Variants in CST3 observed in about 807,000 individuals in gnomAD.
The protein encoded by CST3 is cystatin-C.
CST3 carries 14 observed loss-of-function variants against 9.0 expected under a neutral mutation model. That is an observed-to-expected ratio of 1.56 (90% CI 1.03 to 2.44). CST3 has a LOEUF of 2.44. CST3 is among the 30% of genes most tolerant of loss of function. The probability of loss-of-function intolerance (pLI) is 0.00; values close to 1 mark genes in which losing one functional copy is unlikely to be tolerated. For missense variants in CST3, 237 were observed against 204.3 expected (o/e 1.16, Z -0.98); for synonymous variants, 96 against 90.2 (o/e 1.06, Z -0.37).
At chr20:23,628,699 T>A (rs558521311), downstream of CST3, 27 of 152,168 alleles carry the variant, frequency 1.8e-4, no homozygotes, top group African/African-American at 6.5e-4. Context: ...GGGACTCCAT[T>A]ATAACCCACC....
At chr20:23,637,494 C>G in intron 1 of CST3, 126 bp downstream of exon 1, 2 of 976,528 alleles carry the variant, frequency 2.0e-6, no homozygotes, top group Non-Finnish European at 2.8e-6. Flanking sequence ...ACAGCGAAGA[C>G]CGGGAACAGG....
intron 2 of CST3, 35 bp from the exon 3 acceptor site, chr20:23,634,034 G>T (rs1218218182): frequency 1.3e-6 from 2 of 1,572,650 alleles, no homozygotes; most frequent in South Asian, 2.2e-5. Flanking sequence ...ATCAGTGTGG[G>T]TTACAGTTCA....
Position 23,637,940 on chromosome 20 carries a change from A to C in CST3, c.-78T>G. The C allele has an allele frequency of 5.1e-6, 6 of 1,166,326 alleles. No homozygotes were observed. Among genetic ancestry groups the C allele is most frequent in the Middle Eastern group, 3.7e-4 (1 of 2,702 alleles). 72.2% of individuals were successfully genotyped at this position (1,166,326 alleles called of 1,614,324 possible). A position where few individuals can be genotyped will look rare whatever the true frequency, so the allele number is the denominator to read the frequency against. Reference sequence around the variant, plus strand: ...CTAGATAGAGAGGACCCGCTGCGATACCGAGGCGAGGCCGTGAGCCCCGCG... The same window carrying C: ...CTAGATAGAGAGGACCCGCTGCGATCCCGAGGCGAGGCCGTGAGCCCCGCG... On this transcript the variant is annotated 5_prime_UTR_variant, in exon 1 of 3. Coordinates refer to ENST00000376925, the MANE Select transcript of CST3 (RefSeq NM_000099.4).
chr20:23,637,621 T>C lies in CST3; in HGVS notation c.242A>G (p.Gln81Arg), dbSNP rs1488289802. 6.6e-7 allele frequency: 1 copy of C among 1,518,416 alleles called. No homozygotes were observed. The highest frequency in any genetic ancestry group is 8.8e-7 in the Non-Finnish European group (1 of 1,133,940). The allele number at this position is 1,518,416 out of a possible 1,614,324, so 94.1% of individuals were successfully genotyped here. A position where few individuals can be genotyped will look rare whatever the true frequency, so the allele number is the denominator to read the frequency against. ...GACCCTGCGGGGGGCGGCACGCACC[T>C]GCTTGCGGGCGCGCACCACCTGCAG... ...RALQVVRARK[Q>R]IVAGVNYFLD... Residue 81 changes from glutamine (Q) to arginine (R), a missense_variant and splice_region_variant, in exon 1 of 3, where the codon CAG becomes CGG. By Grantham distance (43) the Gln-to-Arg change is conservative (BLOSUM62 1). Coordinates refer to ENST00000376925, the MANE Select transcript of CST3 (RefSeq NM_000099.4).
At chr20:23,634,053 G>C in intron 2 of CST3, 54 bp from the exon 3 acceptor site, 14 of 1,444,212 alleles carry the variant, frequency 9.7e-6, no homozygotes, top group Non-Finnish European at 1.4e-5. Context: ...CAAAGCAGAA[G>C]ATGCCCAGGC....
chr20:23,635,065 C>T (rs1192867316), intron 2 of CST3, among the ~76,000 whole-genome samples, 189 bp downstream of exon 2: 1 of 151,986 alleles, frequency 6.6e-6, no homozygotes, highest in African/African-American at 2.4e-5. Flanking sequence ...ATCCACACAC[C>T]CACTTGCACA....
At chr20:23,636,685 C>A (rs986791824) in intron 1 of CST3, among the ~76,000 whole-genome samples, 7 of 152,168 alleles carry the variant, frequency 4.6e-5, no homozygotes, top group Admixed American at 1.3e-4. Flanking sequence ...ATCAAGCCCA[C>A]CCAGAGTCAG....
At chr20:23,627,527 T>G (rs541499712) in exon 4 of CST3, 1 of 152,364 alleles carries the variant, frequency 6.6e-6, no homozygotes, top group Admixed American at 6.5e-5. Flanking sequence ...AATATTTTGG[T>G]GAACTTAATG....
At position 23,633,858 on chromosome 20, in the gene CST3, C is replaced by A; in HGVS notation, c.*58G>T. ...GGCCACCAGTCCAGGGGTGGGAATACAGGGGGTGGGAGGTGTGCATAAGAG... is the reference window on the plus strand; with the variant it reads ...GGCCACCAGTCCAGGGGTGGGAATAAAGGGGGTGGGAGGTGTGCATAAGAG... On this transcript the variant is annotated 3_prime_UTR_variant, in exon 3 of 3. Transcript: ENST00000376925. 1.4e-6 allele frequency: 2 copies of A among 1,430,398 alleles called. No individual in the cohort carries two copies. The highest frequency in any genetic ancestry group is 2.8e-5 in the African/African-American group (2 of 71,200). The allele number at this position is 1,430,398 out of a possible 1,614,324, so 88.6% of individuals were successfully genotyped here.
At chr20:23,637,421 G>A (rs1366262513) in intron 1 of CST3, among the ~76,000 whole-genome samples, 199 bp downstream of exon 1, 1 of 152,216 alleles carries the variant, frequency 6.6e-6, no homozygotes, top group East Asian at 1.9e-4. Context: ...ACGTGTCCGT[G>A]CGGTTCCAGG....
chr20:23,636,230 C>T (rs889892012), intron 1 of CST3, among the ~76,000 whole-genome samples: 23 of 152,172 alleles, frequency 1.5e-4, no homozygotes, highest in Non-Finnish European at 2.5e-4. Context: ...CTGACGGCTG[C>T]GGGAGAAACG....
exon 4 of CST3, chr20:23,627,767 C>T (rs1319689006): frequency 2.0e-5 from 3 of 152,174 alleles, no homozygotes; most frequent in Non-Finnish European, 4.4e-5. Flanking sequence ...TTCCTAATAG[C>T]TAATGGTGTT....
chr20:23,637,561 C>T, intron 1 of CST3, 59 bp downstream of exon 1: 2 of 1,403,266 alleles, frequency 1.4e-6, no homozygotes, highest in South Asian at 1.5e-5. Flanking sequence ...GGGAGCAGCG[C>T]GGGGGGAGGC....
At chr20:23,630,856 G>C (rs1428294261), downstream of CST3, among the ~76,000 whole-genome samples, 1 of 150,590 alleles carries the variant, frequency 6.6e-6, no homozygotes, top group African/African-American at 2.4e-5. Flanking sequence ...TACAATACTT[G>C]GAAATATCCC....
chr20:23,628,225 AG>A (rs1383647514), exon 4 of CST3: 1 of 152,222 alleles, frequency 6.6e-6, no homozygotes, highest in Non-Finnish European at 1.5e-5. Flanking sequence ...AGATAGAAAA[AG>A]GATGTCCAGA....
At chr20:23,636,906 G>A (rs926486156) in intron 1 of CST3, among the ~76,000 whole-genome samples, 2 of 152,224 alleles carry the variant, frequency 1.3e-5, no homozygotes, top group African/African-American at 2.4e-5. Context: ...TGTCAGTGCT[G>A]ATTTTCAAAA....
exon 4 of CST3, chr20:23,627,905 T>C (rs895249535): frequency 3.9e-5 from 6 of 152,226 alleles, no homozygotes; most frequent in African/African-American, 1.4e-4. Flanking sequence ...AATTAGGTTA[T>C]TTGCCTTTAT....
chr20:23,632,828 T>C (rs189425599), downstream of CST3, among the ~76,000 whole-genome samples: 24 of 152,332 alleles, frequency 1.6e-4, no homozygotes, highest in African/African-American at 2.9e-4. Context: ...AGCCTCCTGC[T>C]TGTGGCACAA....
chr20:23,633,935 G>A lies in CST3; in HGVS notation c.422C>T (p.Ser141Phe). 6.2e-7 allele frequency: 1 copy of A among 1,614,142 alleles called. No homozygotes were observed. The highest frequency in any genetic ancestry group is 2.2e-5 in the East Asian group (1 of 44,880). Reference sequence around the variant, plus strand: ...AGACCCCTAGGCGTCCTGACAGGTGGATTTCGACAAGGTCATTGTGCCCTG... The same window carrying A: ...AGACCCCTAGGCGTCCTGACAGGTGAATTTCGACAAGGTCATTGTGCCCTG... ...PWQGTMTLSK[S>F]TCQDA Residue 141 changes from serine (S) to phenylalanine (F), a missense_variant, in exon 3 of 3, where the codon TCC becomes TTC. Coordinates refer to ENST00000376925, the MANE Select transcript of CST3 (RefSeq NM_000099.4).
Sources: allele counts gnomAD v4.1 joint callset (sites outside exome capture counted in the v4.1 genomes callset), GRCh38; gene constraint gnomAD v4.1.1; transcripts MANE v1.5; gene names NCBI Gene and HGNC (gene_info 2026-07-23, HGNC 2026-07-21).